Variants in PRDM16 observed in about 807,000 individuals in gnomAD.
The protein encoded by PRDM16 is histone-lysine N-methyltransferase PRDM16.
Under a neutral mutation model 110.6 loss-of-function variants are expected in PRDM16, and 23 were observed. That is an observed-to-expected ratio of 0.21 (90% CI 0.15 to 0.29). The LOEUF is 0.29. Ranked by LOEUF, PRDM16 falls within the 10% of genes least tolerant of loss-of-function variation. PRDM16 has a pLI of 1.00. For missense variants in PRDM16, 1,615 were observed against 1,794.3 expected, an observed-to-expected ratio of 0.90 and a Z score of 1.81; for synonymous variants, 799 against 781.8, an observed-to-expected ratio of 1.02 and a Z score of -0.37.
intron 8 of PRDM16, among the ~76,000 whole-genome samples, chr1:3,409,665 G>C (rs139065890): frequency 6.6e-6 from 1 of 151,480 alleles, no homozygotes; most frequent in African/African-American, 2.4e-5. Flanking sequence ...TGTGGTGTGC[G>C]TGTCTGTGGT....
chr1:3,259,227 C>T (rs1478313452), intron 3 of PRDM16, among the ~76,000 whole-genome samples: 4 of 152,300 alleles, frequency 2.6e-5, no homozygotes, highest in East Asian at 3.9e-4. Flanking sequence ...AGCTTACCCA[C>T]GAGGAGGGTC....
intron 3 of PRDM16, among the ~76,000 whole-genome samples, chr1:3,349,979 T>TGGAG (rs1553166764): frequency 6.6e-6 from 1 of 151,208 alleles, no homozygotes; most frequent in Non-Finnish European, 1.5e-5. Context: ...TCCTGAGCCC[T>TGGAG]GGAGGAGACA....
rs568097564 is a variant in PRDM16 at position 3,412,477 on chromosome 1, C to A, written c.2280C>A (p.Asp760Glu). Residue 760 changes from aspartate (D) to glutamate (E), a missense_variant, in exon 9 of 17, where the codon GAC becomes GAA. Physicochemically the swap from Asp to Glu is conservative, Grantham distance 45. This residue lies in a region of PRDM16 where 772 missense variants were observed against 748.3 expected (regional missense o/e 1.03). Transcript: ENST00000270722. ...AGGCCGAGCCAAAGTCACCCCGGGA[C>A]GCCCTCAAGGTGGGCGGCCCCAGTG... The part of the protein sequence containing the change: ...LVKAEPKSPR[D>E]ALKVGGPSAE... The A allele has an allele frequency of 1.2e-6, 2 of 1,613,486 alleles. No homozygotes were observed. Among genetic ancestry groups the A allele is most frequent in the Non-Finnish European group, 1.7e-6 (2 of 1,180,010 alleles).
intron 1 of PRDM16, among the ~76,000 whole-genome samples, chr1:3,104,274 G>A (rs1016328351): frequency 1.3e-5 from 2 of 152,232 alleles, no homozygotes; most frequent in Non-Finnish European, 2.9e-5. Context: ...TCAGGGCTAA[G>A]CAGAGGCAGC....
chr1:3,152,229 G>A (rs765553085), intron 1 of PRDM16, among the ~76,000 whole-genome samples: 4 of 152,170 alleles, frequency 2.6e-5, no homozygotes, highest in African/African-American at 4.8e-5. Flanking sequence ...AGAATCTGGG[G>A]CAATGCCAAG....
rs1643111714 is a variant in PRDM16, at chr1:3,382,071, C to A, written c.439-3081C>A. ...CCGACCACAGCTCTGGCTTGGCGGG[C>A]CTTTCCAGCGGTTTCCTGCTGCGCA... On this transcript the variant is annotated intron_variant, in intron 3 of 16. Transcript: ENST00000270722. The surrounding 1 kb of genome is among the most constrained non-coding windows in gnomAD (Gnocchi z 6.6). Among the ~76,000 whole-genome samples, 1 of 152,236 alleles carries A rather than the reference C, an allele frequency of 6.6e-6. No homozygotes were observed. The highest frequency in any genetic ancestry group is 6.5e-5 in the Admixed American group (1 of 15,292).
At position 3,395,991 on chromosome 1, in the gene PRDM16, C is replaced by G. The variant is rs1050924023; in HGVS notation, c.574-500C>G. Reference sequence around the variant, plus strand: ...CAGCCTTCCTGGCTCATGGCATCCCCGCTCCTGGGAGAACCGCAGCCCCAT... The same window carrying G: ...CAGCCTTCCTGGCTCATGGCATCCCGGCTCCTGGGAGAACCGCAGCCCCAT... On this transcript the variant is annotated intron_variant, in intron 4 of 16. Transcript: ENST00000270722. 2.6e-5 allele frequency among the ~76,000 whole-genome samples: 4 copies of G among 152,222 alleles called. No individual in the cohort carries two copies. The East Asian group carries it at 5.8e-4, about 22-fold the overall frequency.
At chr1:3,235,731 G>A (rs1306006591) in intron 2 of PRDM16, among the ~76,000 whole-genome samples, 2 of 152,172 alleles carry the variant, frequency 1.3e-5, no homozygotes, top group African/African-American at 4.8e-5. Flanking sequence ...AGTCCAGGAC[G>A]GCGGGGGCGG....
In PRDM16 at chr1:3,424,407, C is replaced by T. The variant is rs147539216; in HGVS notation, c.2940-1174C>T. Among the ~76,000 whole-genome samples the T allele has an allele frequency of 4.6e-5, 7 of 152,364 alleles. No homozygotes were observed. In the East Asian group the frequency reaches 5.8e-4, roughly 13 times the overall value. ...GGAACCCTCCACACGCAGCCCTCCT[C>T]GATCGCTCATTATGACGACTTTCCA... On this transcript the variant is annotated intron_variant, in intron 12 of 16. Transcript: ENST00000270722.
intron 3 of PRDM16, among the ~76,000 whole-genome samples, chr1:3,378,347 C>T (rs567125411): frequency 5.3e-5 from 8 of 152,280 alleles, no homozygotes; most frequent in African/African-American, 1.9e-4. Context: ...AGTCTCATGC[C>T]AAGGGAAGCA....
intron 3 of PRDM16, among the ~76,000 whole-genome samples, chr1:3,328,826 C>T (rs956725587): frequency 6.6e-5 from 10 of 152,154 alleles, no homozygotes; most frequent in Admixed American, 2.6e-4. Flanking sequence ...CGACCCTCTG[C>T]GCCTCCATTT....
intron 1 of PRDM16, among the ~76,000 whole-genome samples, chr1:3,181,730 G>GCAGTCTTACACACGCA (rs149978104): frequency 1.3e-4 from 16 of 119,830 alleles, no homozygotes; most frequent in East Asian, 5.3e-4. Flanking sequence ...TCTTACACAC[G>GCAGTCTTACACACGCA]GTCTTACACA....
chr1:3,316,141 G>A (rs1641595249), intron 3 of PRDM16, among the ~76,000 whole-genome samples: 1 of 151,802 alleles, frequency 6.6e-6, no homozygotes, highest in Non-Finnish European at 1.5e-5. Flanking sequence ...CACTGACTGA[G>A]GGCGGGTGGG....
intron 3 of PRDM16, among the ~76,000 whole-genome samples, chr1:3,250,623 C>CCATGG (rs1639908182): frequency 6.6e-6 from 1 of 152,124 alleles, no homozygotes; most frequent in Non-Finnish European, 1.5e-5. Context: ...TATGCTGGTG[C>CCATGG]CATGGTCTCT....
At chr1:3,286,743 GC>G (rs1245328513) in intron 3 of PRDM16, among the ~76,000 whole-genome samples, 26 of 152,300 alleles carry the variant, frequency 1.7e-4, no homozygotes, top group African/African-American at 5.3e-4. Flanking sequence ...CGTGCTGGGC[GC>G]TTAACTCACA....
At chr1:3,161,608 CCAG>C (rs1459324751) in intron 1 of PRDM16, among the ~76,000 whole-genome samples, 2 of 152,246 alleles carry the variant, frequency 1.3e-5, no homozygotes, top group Non-Finnish European at 2.9e-5. Flanking sequence ...GGGCTTCTTG[CCAG>C]CACCAGCTCC....
intron 3 of PRDM16, among the ~76,000 whole-genome samples, chr1:3,343,080 C>A (rs1043111611): frequency 6.6e-6 from 1 of 151,872 alleles, no homozygotes; most frequent in Admixed American, 6.6e-5. Flanking sequence ...AAATTGCTTT[C>A]CAAAAAGTTG....
chr1:3,076,731 G>A (rs1453497188), intron 1 of PRDM16, among the ~76,000 whole-genome samples: 1 of 152,206 alleles, frequency 6.6e-6, no homozygotes, highest in Non-Finnish European at 1.5e-5. Context: ...CTTTACCGGG[G>A]CTTCTTAGTT....
intron 1 of PRDM16, among the ~76,000 whole-genome samples, chr1:3,176,152 T>TCCATCCATCC (rs1644084756): frequency 1.1e-3 from 97 of 90,634 alleles, no homozygotes; most frequent in African/African-American, 3.6e-3. Context: ...CTCATTCATC[T>TCCATCCATCC]ATCCATCCAT....
Sources: allele counts gnomAD v4.1 joint callset (sites outside exome capture counted in the v4.1 genomes callset), GRCh38; gene constraint gnomAD v4.1.1; regional missense constraint gnomAD v4.1.1; non-coding constraint Gnocchi (gnomAD v3.1); transcripts MANE v1.5; gene names NCBI Gene and HGNC (gene_info 2026-07-23, HGNC 2026-07-21).